The following GLYAT variants were observed in gnomAD, a reference collection of about 807,000 sequenced individuals.
The protein encoded by GLYAT is glycine-N-acyltransferase.
In GLYAT, 25 loss-of-function variants were observed where a neutral mutation model predicts 22.8. That is an observed-to-expected ratio of 1.09 (90% CI 0.80 to 1.53). The LOEUF is 1.53. Among genes scored for constraint, GLYAT ranks in the 40% most tolerant of loss-of-function variants. GLYAT has a pLI of 0.00. For synonymous variants in GLYAT, 140 were observed against 122.7 expected (o/e 1.14, Z -0.93); for missense variants, 411 against 353.9 (o/e 1.16, Z -1.29).
Position 58,724,406 on chromosome 11 carries a change from C to T in GLYAT, c.81+10G>A, listed in dbSNP as rs868129851. The T allele has an allele frequency of 6.6e-7, 1 of 1,521,452 alleles. No homozygotes were observed. The highest frequency in any genetic ancestry group is 1.1e-5 in the South Asian group (1 of 87,286). 94.2% of individuals were successfully genotyped at this position (1,521,452 alleles called of 1,614,324 possible). A position where few individuals can be genotyped will look rare whatever the true frequency, so the allele number is the denominator to read the frequency against. ...TCTTCTTTACTCCTCTCAGAATTTT[C>T]CATTATCACCTTTAAGGATGCTGGG... On this transcript the variant is annotated intron_variant, in intron 2 of 5. Transcript: ENST00000344743.
chr11:58,728,500 T>A (rs1856833075), intron 1 of GLYAT, among the ~76,000 whole-genome samples: 3 of 152,102 alleles, frequency 2.0e-5, no homozygotes, highest in Non-Finnish European at 4.4e-5. Context: ...CTACCAGTAA[T>A]ATTGCTTCCA....
In GLYAT at chr11:58,720,312, A is replaced by G. The variant is rs534782353; in HGVS notation, c.81+4104T>C. On this transcript the variant is annotated intron_variant, in intron 2 of 5. Coordinates refer to ENST00000344743, the MANE Select transcript of GLYAT (RefSeq NM_201648.3). ...TTAATATAATTTCATACTCTAAATT[A>G]TGACCAATTTGCCTACAAATATTTA... Among the ~76,000 whole-genome samples the G allele has an allele frequency of 2.6e-5, 4 of 152,194 alleles. No individual in the cohort carries two copies. The South Asian group carries it at 6.2e-4, about 24-fold the overall frequency.
chr11:58,728,207 C>G (rs995633951), intron 1 of GLYAT, among the ~76,000 whole-genome samples: 5 of 151,878 alleles, frequency 3.3e-5, no homozygotes, highest in African/African-American at 1.2e-4. Flanking sequence ...GGATTACAGG[C>G]ACGCAACACC....
At chr11:58,714,419 A>G (rs1433622035) in intron 3 of GLYAT, among the ~76,000 whole-genome samples, 1 of 152,190 alleles carries the variant, frequency 6.6e-6, no homozygotes, top group African/African-American at 2.4e-5. Context: ...ATGCATTTTT[A>G]TCTTGAAATG....
chr11:58,714,119 G>C (rs777736948), intron 3 of GLYAT, among the ~76,000 whole-genome samples: 1 of 152,086 alleles, frequency 6.6e-6, no homozygotes, highest in Non-Finnish European at 1.5e-5. Context: ...TGAACTCATA[G>C]AAGTAGAGAG....
In GLYAT at chr11:58,709,661, C is replaced by T; in HGVS notation, c.*105G>A. On this transcript the variant is annotated 3_prime_UTR_variant, in exon 6 of 6. Coordinates refer to ENST00000344743, the MANE Select transcript of GLYAT (RefSeq NM_201648.3). ...TTCCCCAGAGTCCAAACAGTGCCCA[C>T]TCCTTTACTGCTGATTACAATTTAT... The T allele has an allele frequency of 4.0e-6, 5 of 1,241,972 alleles. No homozygotes were observed. The highest frequency in any genetic ancestry group is 1.5e-5 in the South Asian group (1 of 68,690). The allele number at this position is 1,241,972 out of a possible 1,614,324, so 76.9% of individuals were successfully genotyped here. A position where few individuals can be genotyped will look rare whatever the true frequency, so the allele number is the denominator to read the frequency against.
chr11:58,721,091 T>A (rs542367615), intron 2 of GLYAT, among the ~76,000 whole-genome samples: 14 of 152,072 alleles, frequency 9.2e-5, no homozygotes, highest in Non-Finnish European at 1.6e-4. Flanking sequence ...TAAATACATA[T>A]AAAGATGAAT....
intron 2 of GLYAT, among the ~76,000 whole-genome samples, chr11:58,722,386 A>G (rs1268165871): frequency 6.6e-6 from 1 of 152,094 alleles, no homozygotes; most frequent in East Asian, 1.9e-4. Flanking sequence ...CAAGGTGGTC[A>G]GGGCACACTT....
At chr11:58,730,673 C>A (rs1026577532) in intron 1 of GLYAT, among the ~76,000 whole-genome samples, 14 of 152,124 alleles carry the variant, frequency 9.2e-5, no homozygotes, top group African/African-American at 3.4e-4. Flanking sequence ...TGGAATCTAA[C>A]CCTGGACTCA....
Position 58,724,481 on chromosome 11 carries a change from G to T in GLYAT, c.16C>A (p.Gln6Lys), listed in dbSNP as rs202138243. Reference protein sequence around the residue: MMLPLQGAQMLQMLEK... With the variant: MMLPLKGAQMLQMLEK... ...AGCATCTGCAGCATCTGGGCACCTT[G>T]CAATGGTAACATCATGGAGGATACC... Residue 6 changes from glutamine to lysine, a missense_variant, in exon 2 of 6, where the codon CAA becomes AAA. Coordinates refer to ENST00000344743, the MANE Select transcript of GLYAT (RefSeq NM_201648.3). The T allele has an allele frequency of 1.6e-5, 25 of 1,603,994 alleles. No homozygotes were observed. The Admixed American group carries it at 3.0e-4, about 19-fold the overall frequency.
At chr11:58,714,098 T>C (rs1032826536) in intron 3 of GLYAT, among the ~76,000 whole-genome samples, 1 of 152,042 alleles carries the variant, frequency 6.6e-6, no homozygotes, top group African/African-American at 2.4e-5. Flanking sequence ...GTATGTAGAA[T>C]GTAAAAATGG....
intron 3 of GLYAT, among the ~76,000 whole-genome samples, chr11:58,713,644 C>A (rs1163561706): frequency 6.6e-6 from 1 of 152,054 alleles, no homozygotes; most frequent in Non-Finnish European, 1.5e-5. Flanking sequence ...ACGGAAAGAG[C>A]TTCTCAAATT....
chr11:58,716,439 A>G (rs952683538), intron 2 of GLYAT, among the ~76,000 whole-genome samples: 107 of 152,134 alleles, frequency 7.0e-4, no homozygotes, highest in African/African-American at 2.3e-3. Flanking sequence ...GGTGAAAAAA[A>G]CTCTAAATCG....
chr11:58,713,385 A>G (rs1204484704), intron 3 of GLYAT, among the ~76,000 whole-genome samples: 1 of 152,172 alleles, frequency 6.6e-6, no homozygotes, highest in Non-Finnish European at 1.5e-5. Context: ...AACCATTTAG[A>G]AAGCATTCTT....
At chr11:58,717,731 T>C (rs1458510332) in intron 2 of GLYAT, among the ~76,000 whole-genome samples, 1 of 152,050 alleles carries the variant, frequency 6.6e-6, no homozygotes, top group East Asian at 1.9e-4. Flanking sequence ...TCTCTCCAGT[T>C]TCCCATTTTT....
rs761639107 is a variant in GLYAT at position 58,715,318 on chromosome 11, G to T, written c.187C>A (p.Gln63Lys). 2.8e-6 allele frequency: 4 copies of T among 1,407,108 alleles called. No individual in the cohort carries two copies. The highest frequency in any genetic ancestry group is 3.4e-5 in the Admixed American group (2 of 59,158). The allele number at this position is 1,407,108 out of a possible 1,614,324, so 87.2% of individuals were successfully genotyped here. A position where few individuals can be genotyped will look rare whatever the true frequency, so the allele number is the denominator to read the frequency against. Residue 63 changes from glutamine (Q) to lysine (K), a missense_variant and splice_region_variant, in exon 3 of 6, where the codon CAG (glutamine) becomes AAG (lysine). Physicochemically the swap from Gln to Lys is moderately conservative, Grantham distance 53 (BLOSUM62 1). Transcript: ENST00000344743. ...FNTVVVCPQE[Q>K]DMTDDLDHYT... Reference sequence around the variant, plus strand: ...AATATTCACACATGGAAACTTACCTGCTCCTGAGGGCAGACAACCACTGTA... The same window carrying T: ...AATATTCACACATGGAAACTTACCTTCTCCTGAGGGCAGACAACCACTGTA...
Position 58,709,808 on chromosome 11 carries a change from G to A in GLYAT, c.849C>T (p.Pro283=), listed in dbSNP as rs1856586973. 1.2e-6 allele frequency: 2 copies of A among 1,613,528 alleles called. No individual in the cohort carries two copies. Among genetic ancestry groups the A allele is most frequent in the Non-Finnish European group, 1.7e-6 (2 of 1,179,540 alleles). Residue 283 remains proline (P), a synonymous_variant, in exon 6 of 6, where the codon CCC becomes CCT. Coordinates refer to ENST00000344743, the MANE Select transcript of GLYAT (RefSeq NM_201648.3). ...TCCACTGGTTCCAGCTTCTGGGAAT[G>A]GGAACATGTTGCAGTGTGTAACTCA... ...QKMSYTLQHV[P]IPRSWNQWNC... is the part of the protein sequence containing the mutation.
At chr11:58,731,782 G>T (rs1283089132) in intron 1 of GLYAT, 53 bp downstream of exon 1, 1 of 152,062 alleles carries the variant, frequency 6.6e-6, no homozygotes, top group Admixed American at 6.6e-5. Context: ...TTGTACATTA[G>T]ATCTCTAGAC....
chr11:58,710,243 A>C (rs930735997), intron 5 of GLYAT, 75 bp from the exon 6 acceptor site: 1 of 1,517,962 alleles, frequency 6.6e-7, no homozygotes, highest in African/African-American at 1.4e-5. Context: ...TATTGTCTTG[A>C]GAGACAGAGT....
Sources: gnomAD v4.1 joint callset for allele counts (sites outside exome capture counted in the v4.1 genomes callset) on GRCh38, gnomAD v4.1.1 for gene constraint, MANE v1.5 for transcripts, NCBI Gene and HGNC (gene_info 2026-07-23, HGNC 2026-07-21) for gene names.